The following PKP4 variants were observed in gnomAD, a reference collection of about 807,000 sequenced individuals.
PKP4 encodes the protein plakophilin 4.
Under a neutral mutation model 145.1 loss-of-function variants are expected in PKP4, and 90 were observed. The observed-to-expected ratio is 0.62, with a 90% CI of 0.52 to 0.74. The LOEUF (loss-of-function observed/expected upper bound fraction) is 0.74. Among genes scored for constraint, PKP4 ranks in the 30% least tolerant of loss-of-function variants. The probability of loss-of-function intolerance (pLI) is 0.00; values close to 1 mark genes in which losing one functional copy is unlikely to be tolerated. For missense variants in PKP4, 1,340 were observed against 1,482.7 expected, an observed-to-expected ratio of 0.90 and a Z score of 1.58; for synonymous variants, 563 against 577.2, an observed-to-expected ratio of 0.98 and a Z score of 0.35.
chr2:158,658,014 G>A (rs1047732234), intron 11 of PKP4, 117 bp from the exon 12 acceptor site: 2 of 661,686 alleles, frequency 3.0e-6, no homozygotes, highest in African/African-American at 3.7e-5. Context: ...TGCAAATATA[G>A]GCCATAGATT....
chr2:158,621,514 G>A (rs946934382), intron 6 of PKP4, 93 bp downstream of exon 6: 2 of 1,035,570 alleles, frequency 1.9e-6, no homozygotes, highest in Non-Finnish European at 2.9e-6. Context: ...GGGAGGCCGA[G>A]GCGGGTGGAT....
chr2:158,670,744 G>A (rs529987494), intron 17 of PKP4, among the ~76,000 whole-genome samples: 11 of 152,226 alleles, frequency 7.2e-5, no homozygotes, highest in Non-Finnish European at 1.6e-4. Flanking sequence ...CAGGGCTGCT[G>A]TGTGGCCTCA....
intron 2 of PKP4, among the ~76,000 whole-genome samples, chr2:158,560,332 T>G (rs963767630): frequency 6.6e-6 from 1 of 152,202 alleles, no homozygotes; most frequent in Non-Finnish European, 1.5e-5. Flanking sequence ...TTCTCACTCA[T>G]TTGTCATGAG....
chr2:158,544,511 A>T (rs1285994423), intron 2 of PKP4, among the ~76,000 whole-genome samples: 1 of 152,140 alleles, frequency 6.6e-6, no homozygotes, highest in Non-Finnish European at 1.5e-5. Flanking sequence ...GTATTCTCTT[A>T]TCTTCCCCTC....
intron 2 of PKP4, among the ~76,000 whole-genome samples, chr2:158,562,226 G>A (rs2046594757): frequency 6.6e-6 from 1 of 152,152 alleles, no homozygotes; most frequent in African/African-American, 2.4e-5. Context: ...AATAACCCAA[G>A]TTGTTTTTAA....
At chr2:158,505,934 ATCCCTCAACTGTGAGCTT>A (rs1180425085) in intron 1 of PKP4, among the ~76,000 whole-genome samples, 7 of 152,274 alleles carry the variant, frequency 4.6e-5, no homozygotes, top group African/African-American at 1.7e-4. Flanking sequence ...CAGGAGGCGC[ATCCCTCAACTGTGAGCTT>A]CAACAGCCCT....
intron 11 of PKP4, among the ~76,000 whole-genome samples, chr2:158,651,246 C>T (rs1034117675): frequency 6.6e-6 from 1 of 152,160 alleles, no homozygotes; most frequent in African/African-American, 2.4e-5. Flanking sequence ...CCACCACCCC[C>T]TTGACTTCCT....
intron 1 of PKP4, among the ~76,000 whole-genome samples, chr2:158,512,579 T>C (rs2105532271): frequency 6.6e-6 from 1 of 152,366 alleles, no homozygotes; most frequent in South Asian, 2.1e-4. Flanking sequence ...AATCAACATG[T>C]AACTGTTTTC....
At chr2:158,642,404 G>T in intron 10 of PKP4, 82 bp from the exon 11 acceptor site, 1 of 1,003,946 alleles carries the variant, frequency 1.0e-6, no homozygotes, top group Non-Finnish European at 1.5e-6. Context: ...CACATCCTGT[G>T]ATCTCTCCAT....
rs545546284 is a variant in PKP4 at position 158,468,247 on chromosome 2, TTAAAA to T, written c.-6+11034_-6+11038del. Among the ~76,000 whole-genome samples the T allele has an allele frequency of 3.6e-3, 543 of 152,352 alleles. 2 individuals carry two copies. Among genetic ancestry groups the T allele is most frequent in the Non-Finnish European group, 5.2e-3 (352 of 68,034 alleles). ...CCATCTTTATCAATGTGTTGGTGAA[TTAAAA>T]TAAAGAATTTTGTAAGGTAGATTTA... On this transcript the variant is annotated intron_variant, in intron 1 of 21. Coordinates refer to ENST00000389759, the MANE Select transcript of PKP4 (RefSeq NM_003628.6).
At chr2:158,585,436 C>T (rs1180436621) in intron 3 of PKP4, among the ~76,000 whole-genome samples, 3 of 152,082 alleles carry the variant, frequency 2.0e-5, no homozygotes, top group Non-Finnish European at 2.9e-5. Context: ...TACACTTGAT[C>T]GAGTCATCTG....
At chr2:158,572,194 A>G (rs999113263) in intron 2 of PKP4, among the ~76,000 whole-genome samples, 5 of 152,230 alleles carry the variant, frequency 3.3e-5, no homozygotes, top group African/African-American at 4.8e-5. Context: ...AGTAGATGAG[A>G]TAAACCATAA....
intron 4 of PKP4, among the ~76,000 whole-genome samples, chr2:158,606,056 T>A (rs1219524465): frequency 1.3e-5 from 2 of 152,234 alleles, no homozygotes; most frequent in Non-Finnish European, 2.9e-5. Flanking sequence ...CTGTTATGAA[T>A]AATGCTTTTA....
At chr2:158,585,153 A>G (rs540669911) in intron 3 of PKP4, among the ~76,000 whole-genome samples, 47 of 152,290 alleles carry the variant, frequency 3.1e-4, no homozygotes, top group African/African-American at 1.1e-3. Flanking sequence ...GTTCAGAAGC[A>G]TTTGGTCCCT....
rs760784910 is a variant in PKP4 at position 158,676,866 on chromosome 2, T to G, written c.3255T>G (p.Pro1085=). 6.2e-7 allele frequency: 1 copy of G among 1,614,074 alleles called. No individual in the cohort carries two copies. Reference sequence around the variant, plus strand: ...ATGCCACACATAAAGGCCTGTACCCTGGTAAGACGCCAGTTGGGTGTGTGA... The same window carrying G: ...ATGCCACACATAAAGGCCTGTACCCGGGTAAGACGCCAGTTGGGTGTGTGA... ...QGDATHKGLY[P]GSSKPSPIYI... Residue 1085 remains proline, a splice_region_variant and synonymous_variant, in exon 20 of 22, where the codon CCT becomes CCG. Transcript: ENST00000389759.
At chr2:158,460,141 A>G (rs1689550657) in intron 1 of PKP4, among the ~76,000 whole-genome samples, 1 of 152,190 alleles carries the variant, frequency 6.6e-6, no homozygotes, top group African/African-American at 2.4e-5. Context: ...CAGAGTATTG[A>G]TGGAAAACAA....
intron 2 of PKP4, among the ~76,000 whole-genome samples, chr2:158,537,588 A>G (rs886460083): frequency 4.6e-5 from 7 of 152,230 alleles, no homozygotes; most frequent in African/African-American, 1.4e-4. Flanking sequence ...AGCAGATTCT[A>G]CTGTTCAGCT....
chr2:158,533,531 G>A (rs2043766874), intron 2 of PKP4: 1 of 642,626 alleles, frequency 1.6e-6, no homozygotes, highest in Admixed American at 2.1e-5. Flanking sequence ...TTGTGCGTCT[G>A]CAAGTAAGGA....
At chr2:158,539,879 A>G (rs1358542861) in intron 2 of PKP4, among the ~76,000 whole-genome samples, 1 of 152,230 alleles carries the variant, frequency 6.6e-6, no homozygotes, top group African/African-American at 2.4e-5. Context: ...TGCATGTACC[A>G]TGGTCAGAAT....
Sources: allele counts gnomAD v4.1 joint callset (sites outside exome capture counted in the v4.1 genomes callset), GRCh38; gene constraint gnomAD v4.1.1; transcripts MANE v1.5; gene names NCBI Gene and HGNC (gene_info 2026-07-23, HGNC 2026-07-21).